The following RANBP2 variants were observed in gnomAD, a reference collection of about 807,000 sequenced individuals.
The protein encoded by RANBP2 is E3 SUMO-protein ligase RanBP2.
Under a neutral mutation model 303.6 loss-of-function variants are expected in RANBP2, and 57 were observed. The ratio of observed to expected loss-of-function variants is 0.19; its 90% CI spans 0.15 to 0.23. The LOEUF is 0.23. Ranked by LOEUF, RANBP2 falls within the 10% of genes least tolerant of loss-of-function variation. The probability of loss-of-function intolerance (pLI) is 1.00; values close to 1 mark genes in which losing one functional copy is unlikely to be tolerated. For missense variants in RANBP2, 3,138 were observed against 3,780.8 expected, an observed-to-expected ratio of 0.83 and a Z score of 4.46; for synonymous variants, 1,167 against 1,301.5, an observed-to-expected ratio of 0.90 and a Z score of 2.23.
chr2:109,275,248 G>C, the RANBP2 span, among the ~76,000 whole-genome samples: 1 of 152,288 alleles, frequency 6.6e-6, no homozygotes, highest in Non-Finnish European at 1.5e-5. Context: ...ACGTGAGACT[G>C]ATATTCACCC....
downstream of RANBP2, among the ~76,000 whole-genome samples, chr2:108,789,837 G>A (rs1007801556): frequency 6.6e-6 from 1 of 152,046 alleles, no homozygotes; most frequent in Non-Finnish European, 1.5e-5. Context: ...AACAGTGGAA[G>A]CTAAGGTAAA....
At chr2:108,755,925 T>C (rs1676280375) in intron 17 of RANBP2, among the ~76,000 whole-genome samples, 1 of 152,066 alleles carries the variant, frequency 6.6e-6, no homozygotes, top group Non-Finnish European at 1.5e-5. Flanking sequence ...AGTTTCACCA[T>C]GTTGGCCAAG....
chr2:108,980,102 G>C, the RANBP2 span, among the ~76,000 whole-genome samples: 2 of 151,012 alleles, frequency 1.3e-5, no homozygotes, highest in African/African-American at 4.9e-5. Flanking sequence ...GTGTGGGGTG[G>C]GGTGGGGTGG....
At chr2:109,363,791 C>A in the RANBP2 span, among the ~76,000 whole-genome samples, 1 of 152,212 alleles carries the variant, frequency 6.6e-6, no homozygotes, top group Non-Finnish European at 1.5e-5. Context: ...ACTCCACTCT[C>A]TTGCTTGCAT....
chr2:109,238,125 T>C, the RANBP2 span, among the ~76,000 whole-genome samples: 2 of 152,130 alleles, frequency 1.3e-5, 1 homozygote, highest in African/African-American at 4.8e-5. Context: ...TCTTGAGCCT[T>C]GGAGTTGGAG....
At chr2:109,476,903 C>A in the RANBP2 span, among the ~76,000 whole-genome samples, 1 of 152,124 alleles carries the variant, frequency 6.6e-6, no homozygotes, top group African/African-American at 2.4e-5. Flanking sequence ...ATTGTCATGG[C>A]GCTAATGGGA....
At chr2:108,837,653 A>G in the RANBP2 span, among the ~76,000 whole-genome samples, 150,427 of 152,316 alleles carry the variant, frequency 0.99, 74,291 homozygotes, top group East Asian at 1. Flanking sequence ...TGCCAGTTAC[A>G]TAAAAGAATA....
the RANBP2 span, chr2:108,856,748 C>G: frequency 6.3e-7 from 1 of 1,579,548 alleles, no homozygotes; most frequent in Non-Finnish European, 8.6e-7. Flanking sequence ...CTGATTGACA[C>G]CTAGACTAGC....
chr2:108,984,690 G>T, the RANBP2 span, among the ~76,000 whole-genome samples: 2 of 150,594 alleles, frequency 1.3e-5, no homozygotes, highest in African/African-American at 2.4e-5. Context: ...TAGTTTGTTT[G>T]TTTTTTTTTC....
downstream of RANBP2, among the ~76,000 whole-genome samples, chr2:108,786,407 G>GT (rs1193421238): frequency 1.3e-5 from 2 of 152,008 alleles, no homozygotes; most frequent in East Asian, 3.9e-4. Context: ...TATACTCTTG[G>GT]TTTTTCTTTT....
At chr2:108,879,587 T>G in the RANBP2 span, among the ~76,000 whole-genome samples, 4 of 152,220 alleles carry the variant, frequency 2.6e-5, no homozygotes, top group Non-Finnish European at 5.9e-5. Context: ...CAAGATTAAC[T>G]TTCTAATAGA....
At chr2:108,995,719 G>C in the RANBP2 span, among the ~76,000 whole-genome samples, 3 of 152,186 alleles carry the variant, frequency 2.0e-5, no homozygotes, top group Non-Finnish European at 4.4e-5. Context: ...GCAGGTGTCA[G>C]AGACTTCCAA....
At chr2:109,469,894 C>A in the RANBP2 span, among the ~76,000 whole-genome samples, 1 of 152,204 alleles carries the variant, frequency 6.6e-6, no homozygotes, top group Admixed American at 6.5e-5. Flanking sequence ...CTCAGACATT[C>A]TTCTGTGGGG....
chr2:109,104,283 T>G, the RANBP2 span, among the ~76,000 whole-genome samples: 3 of 152,192 alleles, frequency 2.0e-5, no homozygotes, highest in Non-Finnish European at 2.9e-5. Flanking sequence ...GTTGTGTCAG[T>G]CTTAGGATCT....
At chr2:109,455,092 G>A in the RANBP2 span, among the ~76,000 whole-genome samples, 1 of 152,206 alleles carries the variant, frequency 6.6e-6, no homozygotes, top group Admixed American at 6.5e-5. Context: ...GGGCCACACA[G>A]CATCGGCAGT....
At position 108,765,504 on chromosome 2, in the gene RANBP2, G is replaced by A; in HGVS notation, c.4965G>A (p.Lys1655=). ...PASSETSKAP[K]SGFEGMFTKK... is the part of the protein sequence containing the mutation. ...CTTCAGAGACAAGCAAGGCTCCAAA[G>A]AGCGGATTTGAGGGAATGTTCACTA... Residue 1655 remains lysine (K), a synonymous_variant, in exon 20 of 29, where the codon AAG becomes AAA. Coordinates refer to ENST00000283195, the MANE Select transcript of RANBP2 (RefSeq NM_006267.5). The A allele has an allele frequency of 6.4e-7, 1 of 1,564,984 alleles. No homozygotes were observed.
chr2:109,109,025 C>T, the RANBP2 span, among the ~76,000 whole-genome samples: 2 of 152,204 alleles, frequency 1.3e-5, no homozygotes, highest in Non-Finnish European at 2.9e-5. Context: ...TTTTCCAACT[C>T]CCCCTTTATA....
chr2:109,165,118 C>T, the RANBP2 span, among the ~76,000 whole-genome samples: 2 of 152,200 alleles, frequency 1.3e-5, no homozygotes, highest in Non-Finnish European at 2.9e-5. Context: ...CCTGGCTTCC[C>T]CCCTCCTTTA....
chr2:108,795,148 G>GTTTTTTTT, the RANBP2 span, among the ~76,000 whole-genome samples: 1 of 68,652 alleles, frequency 1.5e-5, no homozygotes, highest in Non-Finnish European at 3.1e-5. Flanking sequence ...TTTCTAAAGT[G>GTTTTTTTT]TATTTTTTTT....
Sources: gnomAD v4.1 joint callset for allele counts (sites outside exome capture counted in the v4.1 genomes callset) on GRCh38, gnomAD v4.1.1 for gene constraint, MANE v1.5 for transcripts, NCBI Gene and HGNC (gene_info 2026-07-23, HGNC 2026-07-21) for gene names.